The following TPST2 variants were observed in gnomAD, a reference collection of about 807,000 sequenced individuals.
The protein encoded by TPST2 is protein-tyrosine sulfotransferase 2.
TPST2 carries 16 observed loss-of-function variants against 27.8 expected under a neutral mutation model. The observed-to-expected ratio is 0.58, with a 90% CI of 0.39 to 0.88. The LOEUF is 0.88. Ranked by LOEUF, TPST2 falls within the 40% of genes least tolerant of loss-of-function variation. The pLI is 0.00. For missense variants in TPST2, 464 were observed against 543.1 expected, an observed-to-expected ratio of 0.85 and a Z score of 1.45; for synonymous variants, 229 against 231.7, an observed-to-expected ratio of 0.99 and a Z score of 0.10.
At chr22:26,539,543 G>T (rs8141203) in intron 3 of TPST2, among the ~76,000 whole-genome samples, 345 of 151,782 alleles carry the variant, frequency 2.3e-3, no homozygotes, top group African/African-American at 8.2e-3. Context: ...CAGGAGGAAG[G>T]CTTGAGCTCA....
chr22:26,585,581 G>A (rs917634943), intron 1 of TPST2, among the ~76,000 whole-genome samples: 1 of 152,148 alleles, frequency 6.6e-6, no homozygotes, highest in African/African-American at 2.4e-5. Context: ...GCAGCAAGTC[G>A]GGGAGCAGGA....
intron 1 of TPST2, among the ~76,000 whole-genome samples, chr22:26,572,392 A>C (rs1854249570): frequency 6.6e-6 from 1 of 152,198 alleles, no homozygotes; most frequent in African/African-American, 2.4e-5. Flanking sequence ...GCCGAGATGG[A>C]GACACAAATC....
chr22:26,541,235 C>T lies in TPST2; in HGVS notation c.396G>A (p.Val132=). Residue 132 remains valine, a synonymous_variant, in exon 3 of 7, where the codon GTG becomes GTA. Coordinates refer to ENST00000338754, the MANE Select transcript of TPST2 (RefSeq NM_003595.5). The surrounding 1 kb of genome is among the most constrained non-coding windows in gnomAD (Gnocchi z 5.9). The part of the protein sequence containing the change: ...RLDEAGVTDE[V]LDAAMQAFIL... ...TGAAGGCCTGCATGGCGGCGTCCAG[C>T]ACCTCATCCGTCACCCCCGCCTCAT... 6.4e-7 allele frequency: 1 copy of T among 1,554,696 alleles called. No homozygotes were observed. Among genetic ancestry groups the T allele is most frequent in the Non-Finnish European group, 8.7e-7 (1 of 1,148,090 alleles).
At chr22:26,572,225 G>A (rs368731860) in intron 1 of TPST2, among the ~76,000 whole-genome samples, 5 of 152,244 alleles carry the variant, frequency 3.3e-5, no homozygotes, top group African/African-American at 1.2e-4. Context: ...AAAGATGGAC[G>A]TTTGACCCAA....
Position 26,532,717 on chromosome 22 carries a change from G to A in TPST2, c.1070C>T (p.Ala357Val). ...AACCTGAAAATATCCTTTCAGATTG[G>A]CTGGTGTTTTATAGTCCCCTTTCAA... ...RVLKGDYKTP[A>V]NLKGYFQVNQ... The change falls in exon 5 of 7, where the codon GCC (alanine) becomes GTC (valine). Residue 357 changes from alanine to valine, a missense_variant. Transcript: ENST00000338754. 1 of 1,613,986 alleles carries A rather than the reference G, an allele frequency of 6.2e-7. No homozygotes were observed. The highest frequency in any genetic ancestry group is 8.5e-7 in the Non-Finnish European group (1 of 1,179,918).
At chr22:26,545,717 C>G (rs1308464229) in intron 1 of TPST2, among the ~76,000 whole-genome samples, 1 of 152,204 alleles carries the variant, frequency 6.6e-6, no homozygotes, top group Non-Finnish European at 1.5e-5. Context: ...TCACTCCTCT[C>G]AGACTTTTCC....
Position 26,544,596 on chromosome 22 carries a change from G to A in TPST2, c.-89+8C>T. 8 of 985,926 alleles carry A rather than the reference G, an allele frequency of 8.1e-6. No homozygotes were observed. The highest frequency in any genetic ancestry group is 8.4e-6 in the Non-Finnish European group (7 of 829,966). 61.1% of individuals were successfully genotyped at this position (985,926 alleles called of 1,614,324 possible). A position where few individuals can be genotyped will look rare whatever the true frequency, so the allele number is the denominator to read the frequency against. ...ACTCCAGGGGAAGTTCCTTCTAGGTGCACTTACCTCCCTTGGGCACTCTCA... is the reference window on the plus strand; with the variant it reads ...ACTCCAGGGGAAGTTCCTTCTAGGTACACTTACCTCCCTTGGGCACTCTCA... On this transcript the variant is annotated splice_region_variant and intron_variant, in intron 2 of 6. Coordinates refer to ENST00000338754, the MANE Select transcript of TPST2 (RefSeq NM_003595.5).
chr22:26,558,047 A>C (rs936967536), intron 1 of TPST2, among the ~76,000 whole-genome samples: 13 of 148,216 alleles, frequency 8.8e-5, no homozygotes, highest in Non-Finnish European at 1.8e-4. Context: ...ACTCCGTCTC[A>C]AAAAAATATA....
At chr22:26,551,720 T>A (rs1283044860) in intron 1 of TPST2, among the ~76,000 whole-genome samples, 1 of 152,104 alleles carries the variant, frequency 6.6e-6, no homozygotes. Context: ...CTGGGTGTCC[T>A]GGGTCAATCT....
At chr22:26,564,503 C>T (rs1360191820) in intron 1 of TPST2, among the ~76,000 whole-genome samples, 1 of 152,190 alleles carries the variant, frequency 6.6e-6, no homozygotes, top group Non-Finnish European at 1.5e-5. Flanking sequence ...GAAAGTGCTC[C>T]AGGGCCAAGA....
At chr22:26,536,244 A>T in intron 4 of TPST2, 44 bp downstream of exon 4, 1 of 1,608,796 alleles carries the variant, frequency 6.2e-7, no homozygotes, top group Non-Finnish European at 8.5e-7. Context: ...CAGAAGCCCC[A>T]TATCCCCAAG....
chr22:26,568,345 T>C (rs942267249), intron 1 of TPST2, among the ~76,000 whole-genome samples: 2 of 152,070 alleles, frequency 1.3e-5, no homozygotes, highest in African/African-American at 4.8e-5. Flanking sequence ...AGCAACTCCA[T>C]CTCTCCAGTA....
At chr22:26,568,575 C>A (rs1295639462) in intron 1 of TPST2, among the ~76,000 whole-genome samples, 1 of 152,094 alleles carries the variant, frequency 6.6e-6, no homozygotes. Context: ...TCATTATAGG[C>A]CAATTATAAT....
chr22:26,587,539 C>T (rs371270074), intron 1 of TPST2, among the ~76,000 whole-genome samples: 1 of 152,216 alleles, frequency 6.6e-6, no homozygotes, highest in East Asian at 1.9e-4. Flanking sequence ...CGGGGTTTCA[C>T]CATATTGGAT....
chr22:26,549,082 A>T (rs1471454278), intron 1 of TPST2, among the ~76,000 whole-genome samples: 1 of 152,194 alleles, frequency 6.6e-6, no homozygotes, highest in Non-Finnish European at 1.5e-5. Flanking sequence ...CCTAGCGCAA[A>T]TGAGAAACTA....
intron 2 of TPST2, chr22:26,543,402 CCT>C (rs775892168): frequency 4.6e-5 from 7 of 152,130 alleles, no homozygotes; most frequent in African/African-American, 1.2e-4. Context: ...GAAATTCTCC[CCT>C]GAGACCTGTG....
chr22:26,582,765 G>C (rs1928165627), intron 1 of TPST2, among the ~76,000 whole-genome samples: 1 of 152,164 alleles, frequency 6.6e-6, no homozygotes, highest in Non-Finnish European at 1.5e-5. Context: ...TCTGAAGTTG[G>C]GCAGATGGGC....
chr22:26,588,633 C>T (rs1212295893), intron 1 of TPST2, among the ~76,000 whole-genome samples: 1 of 152,062 alleles, frequency 6.6e-6, no homozygotes, highest in African/African-American at 2.4e-5. Flanking sequence ...AACAACAGTA[C>T]AATTGGGGTT....
At chr22:26,542,240 T>TA (rs537567197) in intron 2 of TPST2, among the ~76,000 whole-genome samples, 55,468 of 115,738 alleles carry the variant, frequency 0.48, 13,492 homozygotes, top group Non-Finnish European at 0.57. Context: ...AGACTCCGTC[T>TA]AAAAAAAAAA....
Sources: allele counts gnomAD v4.1 joint callset (sites outside exome capture counted in the v4.1 genomes callset), GRCh38; gene constraint gnomAD v4.1.1; non-coding constraint Gnocchi (gnomAD v3.1); transcripts MANE v1.5; gene names NCBI Gene and HGNC (gene_info 2026-07-23, HGNC 2026-07-21).